Variants in GALC observed in about 807,000 individuals in gnomAD.
GALC encodes galactocerebrosidase.
In GALC, 77 loss-of-function variants were observed where a neutral mutation model predicts 91.8. The observed-to-expected ratio is 0.84, with a 90% CI of 0.70 to 1.01. GALC has a LOEUF of 1.01. Among genes scored for constraint, GALC ranks in the 50% least tolerant of loss-of-function variants. The pLI is 0.00. For synonymous variants in GALC, 357 were observed against 306.7 expected (o/e 1.16, Z -1.71); for missense variants, 882 against 855.9 (o/e 1.03, Z -0.38).
intron 6 of GALC, chr14:87,980,516 C>T: frequency 1.0e-6 from 1 of 981,102 alleles, no homozygotes; most frequent in Non-Finnish European, 1.2e-6. Context: ...TCTCAATCTT[C>T]AGTTCTTTGC....
At chr14:87,948,714 C>CAGTGTCTTTGCTTCA (rs1885179733) in intron 12 of GALC, among the ~76,000 whole-genome samples, 1 of 151,926 alleles carries the variant, frequency 6.6e-6, no homozygotes, top group South Asian at 2.1e-4. Context: ...AGAATAACCC[C>CAGTGTCTTTGCTTCA]AAATGACATT....
At chr14:87,965,923 A>G (rs1886033819) in intron 8 of GALC, among the ~76,000 whole-genome samples, 1 of 152,190 alleles carries the variant, frequency 6.6e-6, no homozygotes, top group South Asian at 2.1e-4. Flanking sequence ...ATCATGCCTT[A>G]CCAATACCCA....
chr14:87,945,209 C>G (rs781643784), intron 14 of GALC, among the ~76,000 whole-genome samples: 2 of 151,904 alleles, frequency 1.3e-5, no homozygotes, highest in African/African-American at 4.8e-5. Context: ...ATCAACTCTC[C>G]AGCAAAACAA....
chr14:87,965,605 A>G lies in GALC; in HGVS notation c.933T>C (p.Ala311=), dbSNP rs1291467359. The change falls in exon 9 of 17, where the codon GCT becomes GCC. Residue 311 remains alanine, a synonymous_variant. Transcript: ENST00000261304. ...MTSTIAWNLV[A]SYYEQLPYGR... is the part of the protein sequence containing the mutation. ...CATAAGGCAACTGTTCATAGTAACT[A>G]GCCACTAAATTCCATGCGATTGTGC... 4.3e-6 allele frequency: 7 copies of G among 1,613,502 alleles called. No homozygotes were observed. The South Asian group carries it at 5.5e-5, about 13-fold the overall frequency.
At chr14:87,987,123 A>G (rs1887009245) in intron 3 of GALC, 1 of 438,490 alleles carries the variant, frequency 2.3e-6, no homozygotes, top group Non-Finnish European at 4.5e-6. Context: ...TAAAAATAAC[A>G]AAATTCTATA....
chr14:87,992,810 A>C (rs1887264393), intron 1 of GALC, 160 bp downstream of exon 1: 10 of 1,404,236 alleles, frequency 7.1e-6, no homozygotes, highest in Admixed American at 6.5e-5. Flanking sequence ...CCAGCCCCGC[A>C]GCGGGCCCGC....
At chr14:87,966,112 A>G (rs963604949) in intron 8 of GALC, among the ~76,000 whole-genome samples, 1 of 152,204 alleles carries the variant, frequency 6.6e-6, no homozygotes, top group Non-Finnish European at 1.5e-5. Flanking sequence ...GGTTTAAACC[A>G]TGGTTTCACC....
rs1886004537 is a variant in GALC, at chr14:87,965,569, C to A, written c.969G>T (p.Gly323=). Residue 323 remains glycine (G), a synonymous_variant, in exon 9 of 17, where the codon GGG becomes GGT. Coordinates refer to ENST00000261304, the MANE Select transcript of GALC (RefSeq NM_000153.4). ...YYEQLPYGRC[G]LMTAQEPWSG... The stretch of plus-strand genomic sequence containing the variant: ...TCCATGGCTCCTGGGCCGTCATCAA[C>A]CCGCATCTCCCATAAGGCAACTGTT... 1 of 1,613,456 alleles carries A rather than the reference C, an allele frequency of 6.2e-7. No homozygotes were observed. The highest frequency in any genetic ancestry group is 1.1e-5 in the South Asian group (1 of 91,070).
intron 12 of GALC, among the ~76,000 whole-genome samples, chr14:87,949,572 T>C (rs1885219241): frequency 6.6e-6 from 1 of 151,788 alleles, no homozygotes; most frequent in Non-Finnish European, 1.5e-5. Context: ...GTAAGAGAAA[T>C]GTGTGGATAC....
At chr14:87,971,029 G>T (rs1262639659) in intron 7 of GALC, among the ~76,000 whole-genome samples, 1 of 151,986 alleles carries the variant, frequency 6.6e-6, no homozygotes, top group Admixed American at 6.6e-5. Flanking sequence ...TCCTAACAGA[G>T]GAACATATTT....
chr14:87,958,160 T>C (rs995563111), intron 10 of GALC, among the ~76,000 whole-genome samples: 2 of 152,010 alleles, frequency 1.3e-5, no homozygotes, highest in Non-Finnish European at 2.9e-5. Context: ...TAAAAACATA[T>C]AAATTTATGT....
intron 10 of GALC, among the ~76,000 whole-genome samples, chr14:87,956,700 A>G (rs1190084981): frequency 1.3e-5 from 2 of 151,654 alleles, no homozygotes; most frequent in African/African-American, 2.4e-5. Context: ...ATATGTTTCA[A>G]TTGTGAATTG....
chr14:87,968,229 C>T, intron 8 of GALC, 106 bp downstream of exon 8: 1 of 929,974 alleles, frequency 1.1e-6, no homozygotes, highest in Non-Finnish European at 1.6e-6. Context: ...AAAATGTTTA[C>T]AATCATTGAA....
rs141839955 is a variant in GALC at position 87,945,534 on chromosome 14, T to C, written c.1670+19A>G. On this transcript the variant is annotated intron_variant, in intron 14 of 16. Coordinates refer to ENST00000261304, the MANE Select transcript of GALC (RefSeq NM_000153.4). ...CAAGGGTATTTCAGCCAGATCCACATTGAGAACATCAATCTTACCAGTTGT... is the reference window on the plus strand; with the variant it reads ...CAAGGGTATTTCAGCCAGATCCACACTGAGAACATCAATCTTACCAGTTGT... 6 of 1,555,880 alleles carry C rather than the reference T, an allele frequency of 3.9e-6. No individual in the cohort carries two copies. Among genetic ancestry groups the C allele is most frequent in the East Asian group, 4.5e-5 (2 of 44,596 alleles).
chr14:87,981,559 T>C (rs1886750513), intron 6 of GALC: 1 of 155,354 alleles, frequency 6.4e-6, no homozygotes, highest in African/African-American at 2.4e-5. Context: ...CAAAAGGAAG[T>C]GAAAAGTAAA....
At chr14:87,950,593 T>C (rs1186492445) in intron 11 of GALC, 66 bp downstream of exon 11, 3 of 987,548 alleles carry the variant, frequency 3.0e-6, no homozygotes, top group Non-Finnish European at 3.2e-6. Context: ...TAAGAACTAC[T>C]GGCCTGTGAC....
chr14:87,955,234 GGAA>G (rs1050603643), intron 10 of GALC: 519 of 942,964 alleles, frequency 5.5e-4, no homozygotes, highest in Admixed American at 9.1e-4. Context: ...GGCATTTCAA[GGAA>G]GAAGTACTGA....
intron 10 of GALC, chr14:87,953,796 G>C: frequency 2.5e-6 from 4 of 1,606,312 alleles, no homozygotes; most frequent in South Asian, 1.1e-5. Context: ...AAAAAACTGT[G>C]ATTCTAAAAG....
chr14:87,966,411 T>C (rs1008871904), intron 8 of GALC, among the ~76,000 whole-genome samples: 3 of 152,118 alleles, frequency 2.0e-5, no homozygotes, highest in Non-Finnish European at 4.4e-5. Flanking sequence ...AGGGAAGTTA[T>C]TGAACTTGGT....
Sources: gnomAD v4.1 joint callset for allele counts (sites outside exome capture counted in the v4.1 genomes callset) on GRCh38, gnomAD v4.1.1 for gene constraint, MANE v1.5 for transcripts, NCBI Gene and HGNC (gene_info 2026-07-23, HGNC 2026-07-21) for gene names.